The following MAML3 variants were observed in gnomAD, a reference collection of about 807,000 sequenced individuals.
The protein encoded by MAML3 is mastermind-like protein 3.
MAML3 carries 27 observed loss-of-function variants against 101.9 expected under a neutral mutation model. That is an observed-to-expected ratio of 0.27 (90% CI 0.20 to 0.37). The LOEUF (loss-of-function observed/expected upper bound fraction) is 0.37, where lower values mean the gene tolerates loss of function less well. MAML3 is among the 10% of genes least tolerant of loss of function. The pLI is 1.00. For synonymous variants in MAML3, 501 were observed against 555.9 expected (o/e 0.90, Z 1.39); for missense variants, 1,316 against 1,444.9 (o/e 0.91, Z 1.45).
intron 2 of MAML3, among the ~76,000 whole-genome samples, chr4:139,807,020 A>G (rs542878226): frequency 6.6e-6 from 1 of 152,306 alleles, no homozygotes; most frequent in East Asian, 1.9e-4. Flanking sequence ...TTTAGGCTTA[A>G]AATATTATGT....
intron 1 of MAML3, among the ~76,000 whole-genome samples, chr4:140,047,402 G>A (rs973213307): frequency 2.0e-5 from 3 of 152,152 alleles, no homozygotes; most frequent in Admixed American, 6.5e-5. Flanking sequence ...AGCAAGAGGA[G>A]CTGGTCCTGG....
At position 139,890,490 on chromosome 4, in the gene MAML3, A is replaced by T. The variant is rs754577223; in HGVS notation, c.946T>A (p.Leu316Met). 1 of 1,614,028 alleles carries T rather than the reference A, an allele frequency of 6.2e-7. No individual in the cohort carries two copies. Among genetic ancestry groups the T allele is most frequent in the South Asian group, 1.1e-5 (1 of 91,080 alleles). The change falls in exon 2 of 5, where the codon TTG becomes ATG. Residue 316 changes from leucine to methionine, a missense_variant. Transcript: ENST00000509479. The surrounding 1 kb of genome is among the most constrained non-coding windows in gnomAD (Gnocchi z 4.1). The part of the protein sequence containing the change: ...DQEWQELIDE[L>M]ANTVPEDDIQ... ...TCATCCTCAGGAACCGTGTTGGCCA[A>T]TTCATCTATTAATTCTTGCCACTCC...
chr4:139,808,738 G>C (rs979501636), intron 2 of MAML3, among the ~76,000 whole-genome samples: 1 of 152,012 alleles, frequency 6.6e-6, no homozygotes, highest in African/African-American at 2.4e-5. Context: ...TAATTTACAC[G>C]GCCTCAATCT....
intron 2 of MAML3, among the ~76,000 whole-genome samples, chr4:139,791,517 A>AG (rs944761098): frequency 6.6e-6 from 1 of 151,758 alleles, no homozygotes; most frequent in Non-Finnish European, 1.5e-5. Flanking sequence ...AAAAAAAAAA[A>AG]AAAAGGCACC....
chr4:140,125,940 G>A (rs897395804), intron 1 of MAML3, among the ~76,000 whole-genome samples: 5 of 151,924 alleles, frequency 3.3e-5, no homozygotes, highest in African/African-American at 1.2e-4. Context: ...CACCACACCA[G>A]CTAATTTTTG....
At chr4:139,812,565 A>C (rs927810658) in intron 2 of MAML3, among the ~76,000 whole-genome samples, 1 of 152,244 alleles carries the variant, frequency 6.6e-6, no homozygotes, top group African/African-American at 2.4e-5. Flanking sequence ...TCTACAATTC[A>C]GTGGTCGGAT....
intron 1 of MAML3, among the ~76,000 whole-genome samples, chr4:140,116,283 T>C (rs1321070347): frequency 6.6e-6 from 1 of 152,178 alleles, no homozygotes; most frequent in Non-Finnish European, 1.5e-5. Flanking sequence ...TCTGAATTCT[T>C]TACCTTTTTT....
At chr4:140,092,084 ATAC>A (rs1420922843) in intron 1 of MAML3, among the ~76,000 whole-genome samples, 2 of 59,664 alleles carry the variant, frequency 3.4e-5, no homozygotes, top group Non-Finnish European at 1.0e-4. Flanking sequence ...ACGTATATAT[ATAC>A]GTATATATAT....
intron 1 of MAML3, among the ~76,000 whole-genome samples, chr4:140,144,090 G>C (rs1416408768): frequency 1.3e-5 from 2 of 152,092 alleles, no homozygotes; most frequent in Admixed American, 1.3e-4. Context: ...TCTCTGTTAC[G>C]GGTGTAATCT....
chr4:140,116,479 A>C (rs1728520497), intron 1 of MAML3, among the ~76,000 whole-genome samples: 1 of 152,214 alleles, frequency 6.6e-6, no homozygotes, highest in Admixed American at 6.5e-5. Context: ...ATTCTACTTC[A>C]GTAAAAGGAC....
At chr4:139,924,578 T>C (rs972897000) in intron 1 of MAML3, among the ~76,000 whole-genome samples, 10 of 152,220 alleles carry the variant, frequency 6.6e-5, no homozygotes, top group African/African-American at 2.4e-4. Context: ...TATCCTATTG[T>C]ACAATTGTTA....
intron 1 of MAML3, among the ~76,000 whole-genome samples, chr4:140,143,203 C>T (rs1461289393): frequency 2.0e-5 from 3 of 152,170 alleles, no homozygotes; most frequent in Non-Finnish European, 4.4e-5. Flanking sequence ...AGAATAAGGA[C>T]GTCCTGTTCA....
intron 2 of MAML3, among the ~76,000 whole-genome samples, chr4:139,807,139 A>C (rs1730715374): frequency 6.6e-6 from 1 of 152,192 alleles, no homozygotes; most frequent in African/African-American, 2.4e-5. Context: ...AGTTTCTGCC[A>C]CTTGTTGGCT....
chr4:140,136,832 A>G (rs1056340245), intron 1 of MAML3, among the ~76,000 whole-genome samples: 4 of 152,212 alleles, frequency 2.6e-5, no homozygotes, highest in African/African-American at 9.7e-5. Flanking sequence ...AATGATAAAC[A>G]ATGATGCTAA....
chr4:139,847,065 G>T (rs970323206), intron 2 of MAML3, among the ~76,000 whole-genome samples: 2 of 152,164 alleles, frequency 1.3e-5, no homozygotes, highest in Admixed American at 6.5e-5. Context: ...TGACTGATTT[G>T]CAAATGGTAC....
intron 1 of MAML3, among the ~76,000 whole-genome samples, chr4:140,005,891 C>A (rs758384836): frequency 6.6e-6 from 1 of 152,232 alleles, no homozygotes; most frequent in Non-Finnish European, 1.5e-5. Flanking sequence ...GAAATCTGAT[C>A]TCTCTCAAAT....
intron 2 of MAML3, among the ~76,000 whole-genome samples, chr4:139,819,277 T>G (rs1185182633): frequency 6.6e-6 from 1 of 152,050 alleles, no homozygotes; most frequent in Non-Finnish European, 1.5e-5. Context: ...CTCCCTGAAG[T>G]GTGTGGCTCA....
Position 139,889,354 on chromosome 4 carries a change from T to TA in MAML3, c.2079+2dup, listed in dbSNP as rs756298606. The TA allele has an allele frequency of 6.2e-7, 1 of 1,614,024 alleles. No homozygotes were observed. ...TCGAAGAGTGTGTCACTTTCACACT[T>TA]ACCTGACCGTGGGATGGAAGTGCAG... On this transcript the variant is annotated splice_region_variant and intron_variant, in intron 2 of 4. Coordinates refer to ENST00000509479, the MANE Select transcript of MAML3 (RefSeq NM_018717.5).
intron 1 of MAML3, among the ~76,000 whole-genome samples, chr4:139,982,588 T>C (rs1180656482): frequency 6.6e-6 from 1 of 152,204 alleles, no homozygotes; most frequent in Non-Finnish European, 1.5e-5. Context: ...ATGATACTTT[T>C]TACCATATAG....
Sources: gnomAD v4.1 joint callset for allele counts (sites outside exome capture counted in the v4.1 genomes callset) on GRCh38, gnomAD v4.1.1 for gene constraint, Gnocchi (gnomAD v3.1) non-coding constraint, MANE v1.5 for transcripts, NCBI Gene and HGNC (gene_info 2026-07-23, HGNC 2026-07-21) for gene names.